CAST: variants seen among roughly 807,000 people sequenced by gnomAD.
CAST encodes the protein calpastatin.
A neutral mutation model predicts 119.6 loss-of-function variants in CAST; 76 were observed. That is an observed-to-expected ratio of 0.64 (90% CI 0.53 to 0.77). The LOEUF (loss-of-function observed/expected upper bound fraction) is 0.77, where lower values mean the gene tolerates loss of function less well. Ranked by LOEUF, CAST falls within the 30% of genes least tolerant of loss-of-function variation. The pLI is 0.00. For synonymous variants in CAST, 319 were observed against 331.6 expected, an observed-to-expected ratio of 0.96 and a Z score of 0.41; for missense variants, 953 against 946.5, an observed-to-expected ratio of 1.01 and a Z score of -0.09.
chr5:96,325,429 T>G, the CAST span, among the ~76,000 whole-genome samples: 1 of 151,172 alleles, frequency 6.6e-6, no homozygotes. Context: ...TTTCCTTCTT[T>G]CTTTTCTTTC....
In CAST at chr5:96,546,912, G is replaced by C. The variant is rs116477566; in HGVS notation, c.60+17032G>C. ...GTTTCTGAAATGCAAAAATGATCAA[G>C]ATCTCTCCAGACTGTAGTATTGCAG... is the stretch of plus-strand genomic sequence containing the variant. On this transcript the variant is annotated intron_variant, in intron 1 of 11. Coordinates refer to the CAST transcript ENST00000505143. 5.0e-3 allele frequency among the ~76,000 whole-genome samples: 761 copies of C among 152,280 alleles called. 1 individual carries two copies. Among genetic ancestry groups the C allele is most frequent in the Non-Finnish European group, 6.8e-3 (461 of 68,020 alleles).
chr5:96,276,517 T>C, the CAST span, among the ~76,000 whole-genome samples: 2 of 152,190 alleles, frequency 1.3e-5, no homozygotes, highest in Non-Finnish European at 2.9e-5. Flanking sequence ...AGATTGAAGA[T>C]GGTAAAAAAA....
chr5:96,546,534 A>G (rs1746020453), intron 1 of CAST: 1 of 136,554 alleles, frequency 7.3e-6, no homozygotes, highest in African/African-American at 2.8e-5. Flanking sequence ...GCTGTTTCTC[A>G]AAATGGAAAT....
At chr5:96,068,574 A>G in the CAST span, among the ~76,000 whole-genome samples, 5 of 150,616 alleles carry the variant, frequency 3.3e-5, no homozygotes, top group African/African-American at 1.2e-4. Context: ...TTCTTCAGAG[A>G]AACAGAACCA....
At chr5:96,225,728 G>A in the CAST span, among the ~76,000 whole-genome samples, 1 of 152,044 alleles carries the variant, frequency 6.6e-6, no homozygotes, top group African/African-American at 2.4e-5. Flanking sequence ...CAGAAACAGA[G>A]GTAAAAGAAT....
chr5:96,535,483 A>G (rs1305398120), intron 1 of CAST, among the ~76,000 whole-genome samples: 1 of 152,148 alleles, frequency 6.6e-6, no homozygotes, highest in Non-Finnish European at 1.5e-5. Context: ...GGGAGGAAGA[A>G]CAGGCATAGG....
the CAST span, among the ~76,000 whole-genome samples, chr5:96,014,438 T>C: frequency 3.9e-5 from 6 of 152,152 alleles, no homozygotes; most frequent in African/African-American, 7.2e-5. Flanking sequence ...GTATAGTTAA[T>C]ACGTAAACAA....
Position 96,602,705 on chromosome 5 carries a change from C to T in CAST, c.60+72825C>T, listed in dbSNP as rs1480762104. 2.6e-5 allele frequency among the ~76,000 whole-genome samples: 4 copies of T among 152,114 alleles called. 1 individual carries two copies. Among genetic ancestry groups the T allele is most frequent in the South Asian group, 4.1e-4 (2 of 4,836 alleles). ...GCGGAGGTTGTAGTGAGCCAAATCACGCCATTACACTCTAGCCTGGGCAAC... is the reference window on the plus strand; with the variant it reads ...GCGGAGGTTGTAGTGAGCCAAATCATGCCATTACACTCTAGCCTGGGCAAC... On this transcript the variant is annotated intron_variant, in intron 1 of 11. Transcript: ENST00000505143.
At chr5:96,673,133 A>G (rs939065837) in intron 1 of CAST, among the ~76,000 whole-genome samples, 4 of 152,200 alleles carry the variant, frequency 2.6e-5, no homozygotes, top group Non-Finnish European at 2.9e-5. Context: ...TAAACACCCA[A>G]TAAAACAGTG....
chr5:96,268,315 A>G, the CAST span, among the ~76,000 whole-genome samples: 1 of 152,168 alleles, frequency 6.6e-6, no homozygotes, highest in Non-Finnish European at 1.5e-5. Context: ...GCTCATTCCT[A>G]TTATCCCAGC....
the CAST span, among the ~76,000 whole-genome samples, chr5:96,356,906 T>G: frequency 6.6e-6 from 1 of 152,254 alleles, no homozygotes; most frequent in Non-Finnish European, 1.5e-5. Flanking sequence ...GCATTGAGTC[T>G]ATAAATTACT....
intron 1 of CAST, among the ~76,000 whole-genome samples, chr5:96,633,853 C>T (rs1010501809): frequency 1.3e-5 from 2 of 152,316 alleles, no homozygotes; most frequent in African/African-American, 4.8e-5. Context: ...CTACATCAGT[C>T]GTTCTGAGAG....
At chr5:96,228,003 CTGTGTGTG>C in the CAST span, among the ~76,000 whole-genome samples, 3 of 146,578 alleles carry the variant, frequency 2.0e-5, no homozygotes, top group Non-Finnish European at 3.0e-5. Context: ...CTTTCTCTCT[CTGTGTGTG>C]TGTGTGTGTG....
the CAST span, among the ~76,000 whole-genome samples, chr5:96,261,973 A>G: frequency 6.6e-6 from 1 of 152,164 alleles, no homozygotes; most frequent in African/African-American, 2.4e-5. Flanking sequence ...TTTCCATTTT[A>G]TAGATTGAAA....
At chr5:96,356,574 A>G in the CAST span, among the ~76,000 whole-genome samples, 1 of 152,148 alleles carries the variant, frequency 6.6e-6, no homozygotes, top group Non-Finnish European at 1.5e-5. Flanking sequence ...TTTCAACACC[A>G]TTTATTAAAT....
At chr5:96,700,826 A>T (rs1280973790) in intron 3 of CAST, among the ~76,000 whole-genome samples, 1 of 152,128 alleles carries the variant, frequency 6.6e-6, no homozygotes, top group Non-Finnish European at 1.5e-5. Flanking sequence ...ACCCTCAGGG[A>T]TTGTGATGGC....
chr5:96,641,494 C>A (rs986188852), intron 1 of CAST, among the ~76,000 whole-genome samples: 2 of 152,202 alleles, frequency 1.3e-5, no homozygotes, highest in Admixed American at 6.5e-5. Flanking sequence ...GGGCCAACAA[C>A]TAACTAGCGC....
At chr5:96,514,580 T>G in the CAST span, among the ~76,000 whole-genome samples, 1 of 152,196 alleles carries the variant, frequency 6.6e-6, no homozygotes, top group Non-Finnish European at 1.5e-5. Flanking sequence ...TCTGCAGATT[T>G]CTACTCAAAT....
chr5:96,744,862 A>G (rs532652719), intron 16 of CAST, among the ~76,000 whole-genome samples: 1 of 152,324 alleles, frequency 6.6e-6, no homozygotes, highest in African/African-American at 2.4e-5. Context: ...CCCATCATCT[A>G]CCATAACATA....
Sources: allele counts gnomAD v4.1 joint callset (sites outside exome capture counted in the v4.1 genomes callset), GRCh38; gene constraint gnomAD v4.1.1; transcripts MANE v1.5; gene names NCBI Gene and HGNC (gene_info 2026-07-23, HGNC 2026-07-21).